Variants in SNX9 observed in about 807,000 individuals in gnomAD.
The protein encoded by SNX9 is sorting nexin 9.
In SNX9, 44 loss-of-function variants were observed where a neutral mutation model predicts 89.4. That is an observed-to-expected ratio of 0.49 (90% CI 0.39 to 0.63). The LOEUF (loss-of-function observed/expected upper bound fraction) is 0.63. Ranked by LOEUF, SNX9 falls within the 30% of genes least tolerant of loss-of-function variation. SNX9 has a pLI of 0.00. For synonymous variants in SNX9, 236 were observed against 247.8 expected, an observed-to-expected ratio of 0.95 and a Z score of 0.45; for missense variants, 578 against 736.1, an observed-to-expected ratio of 0.79 and a Z score of 2.49.
chr6:157,941,334 G>A (rs1462893201), intron 17 of SNX9, among the ~76,000 whole-genome samples: 1 of 152,106 alleles, frequency 6.6e-6, no homozygotes, highest in Admixed American at 6.5e-5. Context: ...GACTCCGTTG[G>A]CAGCTGGAAC....
intron 1 of SNX9, among the ~76,000 whole-genome samples, chr6:157,841,685 G>A (rs1440924413): frequency 6.6e-6 from 1 of 152,114 alleles, no homozygotes; most frequent in African/African-American, 2.4e-5. Context: ...ACTGGGAGGA[G>A]GTGTAGAACT....
chr6:157,857,709 A>G (rs930186761), intron 1 of SNX9, among the ~76,000 whole-genome samples: 31 of 149,964 alleles, frequency 2.1e-4, no homozygotes, highest in African/African-American at 5.4e-4. Context: ...TATATGTCCA[A>G]TTGAATTTTA....
chr6:157,913,681 A>G (rs1583233803), intron 9 of SNX9, among the ~76,000 whole-genome samples: 1 of 152,172 alleles, frequency 6.6e-6, no homozygotes, highest in Non-Finnish European at 1.5e-5. Flanking sequence ...TAACCATGGC[A>G]ACAGCTGATG....
At chr6:157,867,677 T>C (rs756386558) in intron 2 of SNX9, 44 bp downstream of exon 2, 2 of 1,437,760 alleles carry the variant, frequency 1.4e-6, no homozygotes, top group East Asian at 4.7e-5. Flanking sequence ...CATGTGGACT[T>C]ATTTTTAACA....
At chr6:157,942,648 C>A in intron 17 of SNX9, 143 bp from the exon 18 acceptor site, 1 of 828,692 alleles carries the variant, frequency 1.2e-6, no homozygotes, top group Non-Finnish European at 1.9e-6. Flanking sequence ...AGCAGCAACG[C>A]GGGGCAGGGC....
At chr6:157,916,634 A>G (rs1783478215) in intron 9 of SNX9, among the ~76,000 whole-genome samples, 1 of 152,196 alleles carries the variant, frequency 6.6e-6, no homozygotes, top group Non-Finnish European at 1.5e-5. Context: ...GTTTTTGTTC[A>G]TGAATAGATG....
chr6:157,872,872 A>G (rs1782442980), intron 2 of SNX9: 1 of 361,750 alleles, frequency 2.8e-6, no homozygotes, highest in Non-Finnish European at 5.0e-6. Context: ...GCTGTTTTCA[A>G]TCTTTGATCA....
intron 9 of SNX9, among the ~76,000 whole-genome samples, chr6:157,920,288 C>CTG (rs1783557235): frequency 6.6e-6 from 1 of 152,208 alleles, no homozygotes; most frequent in Admixed American, 6.5e-5. Flanking sequence ...CAGCCTCAGC[C>CTG]TGGAATATGC....
At chr6:157,849,385 G>A (rs1781864865) in intron 1 of SNX9, among the ~76,000 whole-genome samples, 1 of 152,218 alleles carries the variant, frequency 6.6e-6, no homozygotes, top group African/African-American at 2.4e-5. Flanking sequence ...TAGATGTTGA[G>A]CACCTACTGT....
chr6:157,895,446 G>T (rs1365707226), intron 4 of SNX9, among the ~76,000 whole-genome samples: 1 of 151,982 alleles, frequency 6.6e-6, no homozygotes, highest in Non-Finnish European at 1.5e-5. Flanking sequence ...TGTCTGTTTT[G>T]GTCTGTCCGA....
At chr6:157,867,476 T>G (rs1350841034) in intron 1 of SNX9, 71 bp from the exon 2 acceptor site, 2 of 1,245,568 alleles carry the variant, frequency 1.6e-6, no homozygotes, top group Non-Finnish European at 2.3e-6. Context: ...GAAAGTGAAC[T>G]GTACACCTTT....
intron 4 of SNX9, among the ~76,000 whole-genome samples, chr6:157,894,606 A>G (rs1782941425): frequency 6.6e-6 from 1 of 152,148 alleles, no homozygotes. Context: ...TCCCATTCCA[A>G]AAGTTTATTT....
intron 12 of SNX9, 61 bp from the exon 13 acceptor site, chr6:157,932,134 T>C: frequency 1.4e-6 from 2 of 1,438,762 alleles, no homozygotes; most frequent in Non-Finnish European, 2.0e-6. Flanking sequence ...TTTTAGGAAA[T>C]AGTTTAATCC....
intron 1 of SNX9, among the ~76,000 whole-genome samples, chr6:157,863,019 G>A (rs73024635): frequency 0.041 from 6,177 of 152,254 alleles, 183 homozygotes; most frequent in Middle Eastern, 0.078. Flanking sequence ...GTTTCTCTTT[G>A]TCATTCTGTG....
At chr6:157,853,045 G>A (rs1781944337) in intron 1 of SNX9, among the ~76,000 whole-genome samples, 1 of 146,484 alleles carries the variant, frequency 6.8e-6, no homozygotes, top group African/African-American at 2.5e-5. Context: ...TACCATTCCT[G>A]GTGCTCTTCC....
At chr6:157,891,729 T>G (rs1289201505) in intron 4 of SNX9, among the ~76,000 whole-genome samples, 1 of 152,202 alleles carries the variant, frequency 6.6e-6, no homozygotes, top group African/African-American at 2.4e-5. Context: ...CGGCTGGATG[T>G]CAGCCAGCAG....
chr6:157,824,345 T>G (rs890780733), intron 1 of SNX9, among the ~76,000 whole-genome samples: 2 of 152,254 alleles, frequency 1.3e-5, no homozygotes, highest in South Asian at 2.1e-4. Context: ...AGGGAGGACC[T>G]GGGGGAGGAG....
At chr6:157,832,477 A>G (rs1369698006) in intron 1 of SNX9, among the ~76,000 whole-genome samples, 2 of 152,198 alleles carry the variant, frequency 1.3e-5, no homozygotes, top group Non-Finnish European at 2.9e-5. Context: ...GAGGCTTTCA[A>G]AGGACCCAAG....
Position 157,929,354 on chromosome 6 carries a change from C to T in SNX9, c.1288+652C>T, listed in dbSNP as rs185131740. On this transcript the variant is annotated intron_variant, in intron 12 of 17. Transcript: ENST00000392185. ...CCAGCTGTAGGGCTAATGCCACGGGCTGCTGCCCTGTTACACCCACAGGCT... is the reference window on the plus strand; with the variant it reads ...CCAGCTGTAGGGCTAATGCCACGGGTTGCTGCCCTGTTACACCCACAGGCT... 3.6e-4 allele frequency among the ~76,000 whole-genome samples: 55 copies of T among 152,376 alleles called. 1 individual carries two copies. The East Asian group carries it at 0.01, about 28-fold the overall frequency.
Sources: allele counts gnomAD v4.1 joint callset (sites outside exome capture counted in the v4.1 genomes callset), GRCh38; gene constraint gnomAD v4.1.1; transcripts MANE v1.5; gene names NCBI Gene and HGNC (gene_info 2026-07-23, HGNC 2026-07-21).